Variants in OLA1 observed in about 807,000 individuals in gnomAD.
OLA1 encodes Obg like ATPase 1, also known as obg-like ATPase 1.
Under a neutral mutation model 48.4 loss-of-function variants are expected in OLA1, and 14 were observed. The ratio of observed to expected loss-of-function variants is 0.29; its 90% confidence interval spans 0.19 to 0.45. The LOEUF (loss-of-function observed/expected upper bound fraction) is 0.45, where lower values mean the gene tolerates loss of function less well. Ranked by LOEUF, OLA1 falls within the 20% of genes least tolerant of loss-of-function variation. OLA1 has a pLI of 1.00. For missense variants in OLA1, 325 were observed against 467.1 expected (o/e 0.70, Z 2.80); for synonymous variants, 127 against 150.4 (o/e 0.84, Z 1.14).
chr2:174,193,694 T>C (rs2105425637), intron 4 of OLA1, among the ~76,000 whole-genome samples: 2 of 152,328 alleles, frequency 1.3e-5, no homozygotes, highest in South Asian at 2.1e-4. Context: ...TGATGGGCCT[T>C]AATTTATCAG....
At chr2:174,081,861 C>T in intron 8 of OLA1, 63 bp downstream of exon 8, 1 of 1,475,316 alleles carries the variant, frequency 6.8e-7, no homozygotes, top group Non-Finnish European at 9.4e-7. Context: ...TCAGCGCAAG[C>T]AATTAAATTA....
intron 4 of OLA1, among the ~76,000 whole-genome samples, chr2:174,193,370 G>A (rs528425016): frequency 1.6e-4 from 25 of 152,298 alleles, no homozygotes; most frequent in East Asian, 5.8e-4. Context: ...GATTACAGGC[G>A]TGAGCCACTG....
intron 4 of OLA1, among the ~76,000 whole-genome samples, chr2:174,203,104 GA>G (rs980724349): frequency 6.7e-6 from 1 of 150,190 alleles, no homozygotes; most frequent in African/African-American, 2.4e-5. Context: ...GTCATTTACT[GA>G]AAAAAAAATA....
intron 4 of OLA1, among the ~76,000 whole-genome samples, chr2:174,154,562 C>T (rs1335860494): frequency 6.6e-6 from 1 of 151,980 alleles, no homozygotes; most frequent in Non-Finnish European, 1.5e-5. Flanking sequence ...ATTTACAAGG[C>T]AATTCTAGAG....
intron 4 of OLA1, among the ~76,000 whole-genome samples, chr2:174,203,234 T>G (rs945883030): frequency 6.6e-6 from 1 of 152,124 alleles, no homozygotes; most frequent in Non-Finnish European, 1.5e-5. Flanking sequence ...ACTAAAATTC[T>G]CTCACCATAA....
intron 7 of OLA1, among the ~76,000 whole-genome samples, chr2:174,096,915 T>C (rs1042624758): frequency 6.6e-6 from 1 of 152,176 alleles, no homozygotes; most frequent in African/African-American, 2.4e-5. Flanking sequence ...CTCAGCACTT[T>C]GGGAAGCCAA....
chr2:174,217,310 C>A (rs976468732), intron 4 of OLA1, among the ~76,000 whole-genome samples: 1 of 151,896 alleles, frequency 6.6e-6, no homozygotes. Flanking sequence ...CTAATCCACT[C>A]GCCTCAGCCT....
intron 2 of OLA1, among the ~76,000 whole-genome samples, chr2:174,237,566 A>G (rs763700443): frequency 2.6e-5 from 4 of 152,166 alleles, no homozygotes; most frequent in Non-Finnish European, 5.9e-5. Context: ...TAGGCAACAC[A>G]GGAAGTCCCC....
At chr2:174,195,923 T>C (rs1202939491) in intron 4 of OLA1, among the ~76,000 whole-genome samples, 3 of 152,138 alleles carry the variant, frequency 2.0e-5, no homozygotes. Context: ...GAAATAATTA[T>C]CTAAAAATAC....
At chr2:174,246,435 T>C (rs12165138) in intron 2 of OLA1, among the ~76,000 whole-genome samples, 7,358 of 152,236 alleles carry the variant, frequency 0.048, 628 homozygotes, top group African/African-American at 0.17. Context: ...CACCTCCTTC[T>C]CCATCAAGCT....
intron 10 of OLA1, among the ~76,000 whole-genome samples, chr2:174,078,342 T>C (rs1684792682): frequency 6.6e-6 from 1 of 151,958 alleles, no homozygotes; most frequent in Admixed American, 6.6e-5. Context: ...TAACATCTAA[T>C]AAATCAAACA....
At chr2:174,243,369 C>T (rs1475016649) in intron 2 of OLA1, among the ~76,000 whole-genome samples, 2 of 152,162 alleles carry the variant, frequency 1.3e-5, no homozygotes, top group Non-Finnish European at 2.9e-5. Context: ...ATTTAGGCTG[C>T]AGTGAGCCAT....
At chr2:174,182,559 T>G (rs1189820364) in intron 4 of OLA1, among the ~76,000 whole-genome samples, 1 of 151,960 alleles carries the variant, frequency 6.6e-6, no homozygotes, top group Non-Finnish European at 1.5e-5. Context: ...AAAATGAAAT[T>G]AAAAAATCTC....
At chr2:174,213,757 G>T (rs909235947) in intron 4 of OLA1, among the ~76,000 whole-genome samples, 1 of 152,038 alleles carries the variant, frequency 6.6e-6, no homozygotes, top group Non-Finnish European at 1.5e-5. Flanking sequence ...TTGGCAGGCC[G>T]TTTTATCTGA....
chr2:174,194,060 AG>A (rs1319055731), intron 4 of OLA1, among the ~76,000 whole-genome samples: 1 of 152,126 alleles, frequency 6.6e-6, no homozygotes, highest in African/African-American at 2.4e-5. Context: ...CAAGGCCCTA[AG>A]GCTTGCTGTG....
intron 4 of OLA1, among the ~76,000 whole-genome samples, chr2:174,176,492 A>G (rs1687421685): frequency 6.6e-6 from 1 of 152,198 alleles, no homozygotes; most frequent in South Asian, 2.1e-4. Flanking sequence ...AATATGCATA[A>G]TAAAAAACAA....
chr2:174,150,600 C>T (rs1000953336), intron 4 of OLA1, among the ~76,000 whole-genome samples: 1 of 152,220 alleles, frequency 6.6e-6, no homozygotes, highest in African/African-American at 2.4e-5. Context: ...TACAGAGACA[C>T]AGAATTCCTT....
intron 4 of OLA1, among the ~76,000 whole-genome samples, chr2:174,221,366 A>G (rs1394774185): frequency 6.6e-6 from 1 of 152,170 alleles, no homozygotes; most frequent in African/African-American, 2.4e-5. Context: ...GGACCTTACC[A>G]TCATCCTAAA....
chr2:174,118,046 A>G (rs1181105048), intron 7 of OLA1, among the ~76,000 whole-genome samples: 1 of 152,176 alleles, frequency 6.6e-6, no homozygotes, highest in Non-Finnish European at 1.5e-5. Context: ...TGGCAAAGGT[A>G]AACAGGAAGC....
Sources: gnomAD v4.1 joint callset for allele counts (sites outside exome capture counted in the v4.1 genomes callset) on GRCh38, gnomAD v4.1.1 for gene constraint, MANE v1.5 for transcripts, NCBI Gene and HGNC (gene_info 2026-07-23, HGNC 2026-07-21) for gene names.